Variants in MTNAP1 observed in about 807,000 individuals in gnomAD.
MTNAP1 encodes mitochondrial nucleoid-associated protein 1.
the MTNAP1 span, among the ~76,000 whole-genome samples, chr17:73,234,787 GTGTGTA>G: frequency 1.3e-5 from 2 of 151,066 alleles, no homozygotes; most frequent in African/African-American, 2.5e-5. Flanking sequence ...GTGTGTGTGT[GTGTGTA>G]TATGCATATT....
chr17:73,237,147 AG>A, the MTNAP1 span: 1 of 869,208 alleles, frequency 1.2e-6, no homozygotes, highest in Middle Eastern at 2.3e-4. Context: ...TTGTCCTGAA[AG>A]AGGCTGGGTG....
the MTNAP1 span, chr17:73,247,858 C>T: frequency 6.4e-6 from 1 of 155,222 alleles, no homozygotes; most frequent in Admixed American, 6.3e-5. Flanking sequence ...GGAAACATCT[C>T]CACATTCTGG....
chr17:73,246,593 C>T, the MTNAP1 span, among the ~76,000 whole-genome samples: 4 of 152,112 alleles, frequency 2.6e-5, no homozygotes, highest in Non-Finnish European at 4.4e-5. Context: ...ACTTGTATGT[C>T]GTTTCTCTCT....
the MTNAP1 span, chr17:73,235,440 A>G: frequency 5.9e-6 from 9 of 1,513,102 alleles, no homozygotes; most frequent in African/African-American, 7.0e-5. Context: ...TGTACAAACT[A>G]TGTGCTTCTC....
chr17:73,239,714 T>C, the MTNAP1 span, among the ~76,000 whole-genome samples: 1 of 151,082 alleles, frequency 6.6e-6, no homozygotes, highest in South Asian at 2.1e-4. Context: ...AGAGATGGGG[T>C]TTTGCCATGT....
the MTNAP1 span, chr17:73,235,429 A>G: frequency 1.8e-5 from 25 of 1,420,850 alleles, no homozygotes; most frequent in Non-Finnish European, 2.3e-5. Context: ...AAATATTGGT[A>G]TGTACAAACT....
At chr17:73,242,802 A>G in the MTNAP1 span, 52 of 885,232 alleles carry the variant, frequency 5.9e-5, no homozygotes, top group Non-Finnish European at 9.0e-5. Context: ...TTACAGTTCC[A>G]TCACTCAGGC....
At chr17:73,232,678 G>C in the MTNAP1 span, 1,596 of 210,012 alleles carry the variant, frequency 7.6e-3, 34 homozygotes, top group African/African-American at 0.034. Flanking sequence ...TCCCTGGGGG[G>C]CTTGTCGCCG....
At chr17:73,235,297 C>T in the MTNAP1 span, among the ~76,000 whole-genome samples, 3 of 152,274 alleles carry the variant, frequency 2.0e-5, no homozygotes, top group Admixed American at 6.5e-5. Flanking sequence ...CCTTGAATAA[C>T]GTGTTTAAGG....
At chr17:73,234,952 G>A in the MTNAP1 span, among the ~76,000 whole-genome samples, 1 of 152,046 alleles carries the variant, frequency 6.6e-6, no homozygotes, top group Non-Finnish European at 1.5e-5. Context: ...GTGGTAGCTC[G>A]CGCCTGTAAT....
chr17:73,242,637 T>A, the MTNAP1 span, among the ~76,000 whole-genome samples: 1 of 152,196 alleles, frequency 6.6e-6, no homozygotes, highest in East Asian at 1.9e-4. Context: ...CCAGAAAAAC[T>A]CTAAACCTCA....
At chr17:73,241,915 T>A in the MTNAP1 span, among the ~76,000 whole-genome samples, 8 of 151,756 alleles carry the variant, frequency 5.3e-5, no homozygotes, top group East Asian at 1.5e-3. Flanking sequence ...GGCGAGAGAG[T>A]GAGACTGTGT....
chr17:73,245,859 C>T, the MTNAP1 span: 1 of 418,742 alleles, frequency 2.4e-6, no homozygotes, highest in Non-Finnish European at 3.2e-6. Flanking sequence ...TGTATCATCT[C>T]TTCCTGGAAA....
the MTNAP1 span, among the ~76,000 whole-genome samples, chr17:73,239,060 C>T: frequency 2.0e-5 from 3 of 152,196 alleles, no homozygotes; most frequent in Non-Finnish European, 1.5e-5. Context: ...GCCTCAGCCT[C>T]CCAAGTAGCT....
chr17:73,239,963 A>G, the MTNAP1 span, among the ~76,000 whole-genome samples: 1 of 152,260 alleles, frequency 6.6e-6, no homozygotes, highest in Non-Finnish European at 1.5e-5. Flanking sequence ...TAGAAGAGTC[A>G]GGTGAACCTG....
chr17:73,244,440 G>T, the MTNAP1 span: 1 of 151,696 alleles, frequency 6.6e-6, no homozygotes, highest in South Asian at 2.1e-4. Flanking sequence ...GCGGGCGCCT[G>T]TAGTCCCAGC....
At chr17:73,239,248 C>G in the MTNAP1 span, among the ~76,000 whole-genome samples, 2 of 151,848 alleles carry the variant, frequency 1.3e-5, no homozygotes, top group Non-Finnish European at 2.9e-5. Flanking sequence ...CTGTGTTTTT[C>G]AGTTGCAGAT....
the MTNAP1 span, chr17:73,242,303 A>T: frequency 1.2e-5 from 19 of 1,605,750 alleles, no homozygotes; most frequent in Admixed American, 3.1e-4. Flanking sequence ...TGCCGGACTT[A>T]CAACCTCCAA....
the MTNAP1 span, chr17:73,235,677 T>C: frequency 6.2e-7 from 1 of 1,614,090 alleles, no homozygotes; most frequent in East Asian, 2.2e-5. Context: ...TAATTAAAGC[T>C]AAAGGGAAAG....
Sources: gnomAD v4.1 joint callset for allele counts (sites outside exome capture counted in the v4.1 genomes callset) on GRCh38, gnomAD v4.1.1 for gene constraint, MANE v1.5 for transcripts, NCBI Gene and HGNC (gene_info 2026-07-23, HGNC 2026-07-21) for gene names.